Variants in RAI14 observed in about 807,000 individuals in gnomAD.
RAI14 encodes the protein ankycorbin.
RAI14 carries 45 observed loss-of-function variants against 115.4 expected under a neutral mutation model. The ratio of observed to expected loss-of-function variants is 0.39; its 90% CI spans 0.31 to 0.50. The LOEUF (loss-of-function observed/expected upper bound fraction) is 0.50, where lower values mean the gene tolerates loss of function less well. Ranked by LOEUF, RAI14 falls within the 20% of genes least tolerant of loss-of-function variation. RAI14 has a pLI of 0.85. For missense variants in RAI14, 939 were observed against 1,131.2 expected, an observed-to-expected ratio of 0.83 and a Z score of 2.44; for synonymous variants, 371 against 415.4, an observed-to-expected ratio of 0.89 and a Z score of 1.30.
intron 2 of RAI14, chr5:34,687,699 G>A (rs1738022655): frequency 6.4e-7 from 1 of 1,551,542 alleles, no homozygotes; most frequent in East Asian, 2.4e-5. Flanking sequence ...GAAATTAATG[G>A]AAGGGAATTA....
chr5:34,788,777 C>G (rs1322066872), intron 3 of RAI14, among the ~76,000 whole-genome samples: 10 of 152,016 alleles, frequency 6.6e-5, no homozygotes, highest in Non-Finnish European at 1.5e-4. Context: ...CGAGACCAGC[C>G]TAGCCAACAT....
rs749655061 is a variant in RAI14 at position 34,823,570 on chromosome 5, C to T, written c.1728C>T (p.Tyr576=). 23 of 1,613,982 alleles carry T rather than the reference C, an allele frequency of 1.4e-5. No individual in the cohort carries two copies. The Admixed American group carries it at 2.3e-4, about 16-fold the overall frequency. The change falls in exon 15 of 18, where the codon TAC becomes TAT. Residue 576 remains tyrosine (Y), a synonymous_variant. Transcript: ENST00000265109. The surrounding 1 kb of genome is among the most constrained non-coding windows in gnomAD (Gnocchi z 4.5). Reference sequence around the variant, plus strand: ...TGATTAAGCCACCTGTGGAAGAGTACGAGGAAATGAAAAGTTCATATTGCT... The same window carrying T: ...TGATTAAGCCACCTGTGGAAGAGTATGAGGAAATGAAAAGTTCATATTGCT... The part of the protein sequence containing the change: ...GTVIKPPVEE[Y]EEMKSSYCSV...
At chr5:34,775,946 A>C (rs1750779945) in intron 3 of RAI14, among the ~76,000 whole-genome samples, 1 of 152,244 alleles carries the variant, frequency 6.6e-6, no homozygotes, top group Non-Finnish European at 1.5e-5. Flanking sequence ...GGAAATTGCT[A>C]TATTGAAAAG....
intron 3 of RAI14, among the ~76,000 whole-genome samples, chr5:34,794,320 G>C (rs946146669): frequency 7.6e-6 from 1 of 130,800 alleles, no homozygotes; most frequent in Non-Finnish European, 1.6e-5. Context: ...CTATTCAGTA[G>C]GCTGAGGCAG....
rs338268 is a variant in RAI14, at chr5:34,803,847, G to T, written c.321+71G>T. 1.4e-3 allele frequency: 1,885 copies of T among 1,363,778 alleles called. 35 individuals are homozygous for T. The African/African-American group carries it at 0.024, about 17-fold the overall frequency. 84.5% of individuals were successfully genotyped at this position (1,363,778 alleles called of 1,614,324 possible). A position where few individuals can be genotyped will look rare whatever the true frequency, so the allele number is the denominator to read the frequency against. The stretch of plus-strand genomic sequence containing the variant: ...TTTGAAAGTAATCATATTTGTGAAA[G>T]AACAAACACACCCTCCATACACACT... On this transcript the variant is annotated intron_variant, in intron 5 of 17. Coordinates refer to ENST00000265109, the MANE Select transcript of RAI14 (RefSeq NM_015577.3).
chr5:34,747,965 G>T (rs1746505073), intron 2 of RAI14, among the ~76,000 whole-genome samples: 1 of 152,182 alleles, frequency 6.6e-6, no homozygotes, highest in African/African-American at 2.4e-5. Flanking sequence ...CCATGCCAAG[G>T]CCTATGGAAG....
intron 12 of RAI14, among the ~76,000 whole-genome samples, chr5:34,817,291 A>AAG (rs1756369318): frequency 6.6e-6 from 1 of 151,362 alleles, no homozygotes; most frequent in South Asian, 2.1e-4. Flanking sequence ...AAAAAAAAAG[A>AAG]AAAAGTGATA....
chr5:34,737,171 T>C (rs1476275067), intron 2 of RAI14, among the ~76,000 whole-genome samples: 1 of 152,138 alleles, frequency 6.6e-6, no homozygotes, highest in Non-Finnish European at 1.5e-5. Flanking sequence ...TCCATGAAAC[T>C]GGTCTCTGGT....
At chr5:34,677,258 G>A (rs1453823404) in intron 1 of RAI14, among the ~76,000 whole-genome samples, 1 of 147,720 alleles carries the variant, frequency 6.8e-6, no homozygotes, top group Non-Finnish European at 1.5e-5. Flanking sequence ...TTTGTCTCCT[G>A]GCTTCAAGTG....
chr5:34,823,123 T>C lies in RAI14; in HGVS notation c.1281T>C (p.Asn427=). Reference sequence around the variant, plus strand: ...CTTTAGGTAAATCCACTACTGACAATGATGTCAGAATTCAGCAACTGCAAG... The same window carrying C: ...CTTTAGGTAAATCCACTACTGACAACGATGTCAGAATTCAGCAACTGCAAG... ...IHSLGKSTTD[N]DVRIQQLQEI... The change falls in exon 15 of 18, where the codon AAT becomes AAC. Residue 427 remains asparagine (N), a synonymous_variant. Transcript: ENST00000265109. This position sits in a 1 kb window ranked among gnomAD's most constrained non-coding sequence, Gnocchi z 4.5. 1 of 1,612,402 alleles carries C rather than the reference T, an allele frequency of 6.2e-7. No homozygotes were observed. Among genetic ancestry groups the C allele is most frequent in the Non-Finnish European group, 8.5e-7 (1 of 1,178,450 alleles).
intron 2 of RAI14, chr5:34,687,780 A>G: frequency 6.6e-7 from 1 of 1,521,758 alleles, no homozygotes; most frequent in Non-Finnish European, 8.9e-7. Context: ...GTAATTAAAG[A>G]TGAACCTGGA....
intron 3 of RAI14, among the ~76,000 whole-genome samples, chr5:34,785,153 A>G (rs1752144303): frequency 6.6e-6 from 1 of 152,126 alleles, no homozygotes. Context: ...TAAAGCCTCC[A>G]GTTTCTCTTT....
At chr5:34,807,960 T>C in intron 6 of RAI14, 103 bp downstream of exon 6, 1 of 913,198 alleles carries the variant, frequency 1.1e-6, no homozygotes, top group Non-Finnish European at 1.8e-6. Context: ...CTGGTGCTCT[T>C]TTCTGTCATC....
Position 34,826,499 on chromosome 5 carries a change from C to G in RAI14, c.2799+20C>G. The G allele has an allele frequency of 6.2e-7, 1 of 1,609,724 alleles. No individual in the cohort carries two copies. The highest frequency in any genetic ancestry group is 8.5e-7 in the Non-Finnish European group (1 of 1,177,412). ...CTGGCGGTGAGTGGGCTTGTTTCTG[C>G]TGCCTGGTTTGGGGTGGAGGGCCTG... On this transcript the variant is annotated intron_variant, in intron 16 of 17. Transcript: ENST00000265109.
At chr5:34,714,171 T>G (rs540508159) in intron 2 of RAI14, among the ~76,000 whole-genome samples, 2 of 152,358 alleles carry the variant, frequency 1.3e-5, no homozygotes, top group South Asian at 4.1e-4. Context: ...GTTTACATTC[T>G]TCACATAAAT....
Position 34,811,753 on chromosome 5 carries a change from CT to C in RAI14, c.558-8del. 1.3e-6 allele frequency: 2 copies of C among 1,597,574 alleles called. No homozygotes were observed. The highest frequency in any genetic ancestry group is 1.1e-5 in the South Asian group (1 of 87,888). ...TTCTCTTAGTACTAATTTTGTGTCT[CT>C]TTTTTCCTTTAGAACTGCTCTCATG... On this transcript the variant is annotated splice_polypyrimidine_tract_variant and intron_variant, in intron 8 of 17. Coordinates refer to ENST00000265109, the MANE Select transcript of RAI14 (RefSeq NM_015577.3).
intron 1 of RAI14, among the ~76,000 whole-genome samples, chr5:34,680,901 G>A (rs1330425907): frequency 6.6e-6 from 1 of 152,154 alleles, no homozygotes; most frequent in African/African-American, 2.4e-5. Context: ...ACTCATATAA[G>A]CTGAGTGTTT....
chr5:34,826,716 A>G (rs1028039512), intron 16 of RAI14, among the ~76,000 whole-genome samples: 6 of 152,198 alleles, frequency 3.9e-5, no homozygotes, highest in Non-Finnish European at 5.9e-5. Flanking sequence ...GAAAGAACCG[A>G]CAGGACAGTA....
chr5:34,784,749 CT>C (rs2150172462), intron 3 of RAI14, among the ~76,000 whole-genome samples: 1 of 152,310 alleles, frequency 6.6e-6, no homozygotes, highest in East Asian at 1.9e-4. Context: ...GCTTTATAGA[CT>C]TGCTTTTCGA....
Sources: allele counts gnomAD v4.1 joint callset (sites outside exome capture counted in the v4.1 genomes callset), GRCh38; gene constraint gnomAD v4.1.1; non-coding constraint Gnocchi (gnomAD v3.1); transcripts MANE v1.5; gene names NCBI Gene and HGNC (gene_info 2026-07-23, HGNC 2026-07-21).